Variants in RARS2 observed in about 807,000 individuals in gnomAD.
RARS2 encodes the protein probable arginine--tRNA ligase, mitochondrial.
RARS2 carries 67 observed loss-of-function variants against 88.5 expected under a neutral mutation model. That is an observed-to-expected ratio of 0.76 (90% CI 0.62 to 0.93). The LOEUF (loss-of-function observed/expected upper bound fraction) is 0.93, where lower values mean the gene tolerates loss of function less well. Ranked by LOEUF, RARS2 falls within the 40% of genes least tolerant of loss-of-function variation. RARS2 has a pLI of 0.00. For missense variants in RARS2, 664 were observed against 684.2 expected, an observed-to-expected ratio of 0.97 and a Z score of 0.33; for synonymous variants, 239 against 230.3, an observed-to-expected ratio of 1.04 and a Z score of -0.34.
At chr6:87,526,143 C>A (rs549350306) in intron 10 of RARS2, among the ~76,000 whole-genome samples, 4 of 152,106 alleles carry the variant, frequency 2.6e-5, no homozygotes, top group Non-Finnish European at 5.9e-5. Flanking sequence ...ACATTTTTCA[C>A]AGAAATAGAA....
At position 87,555,498 on chromosome 6, in the gene RARS2, A is replaced by T. The variant is rs777482341; in HGVS notation, c.305T>A (p.Leu102Gln). The T allele has an allele frequency of 6.2e-7, 1 of 1,611,076 alleles. No individual in the cohort carries two copies. The highest frequency in any genetic ancestry group is 8.5e-7 in the Non-Finnish European group (1 of 1,177,336). The change falls in exon 5 of 20, where the codon CTA becomes CAA. Residue 102 changes from leucine (L) to glutamine (Q), a missense_variant. Physicochemically the swap from Leu to Gln is moderately radical, Grantham distance 113 (BLOSUM62 -2). Coordinates refer to ENST00000369536, the MANE Select transcript of RARS2 (RefSeq NM_020320.5). ...TGAGCCATCTTCAATTACTTGTTGT[A>T]GCACTGTCTGAAAATTAAAGGACTG... ...INRELLTKTV[L>Q]QQVIEDGSKY... is the part of the protein sequence containing the mutation.
chr6:87,524,412 T>C (rs1048391295), intron 11 of RARS2, 145 bp downstream of exon 11: 48 of 721,226 alleles, frequency 6.7e-5, no homozygotes, highest in Admixed American at 3.7e-4. Flanking sequence ...TACTTTTAGT[T>C]GATTATGAAG....
At chr6:87,586,464 A>G (rs1775191035) in intron 1 of RARS2, among the ~76,000 whole-genome samples, 1 of 152,112 alleles carries the variant, frequency 6.6e-6, no homozygotes, top group Non-Finnish European at 1.5e-5. Context: ...CTTTCTACAA[A>G]ACTTTGTCTG....
At chr6:87,559,863 A>G (rs946832343) in intron 4 of RARS2, among the ~76,000 whole-genome samples, 1 of 152,194 alleles carries the variant, frequency 6.6e-6, no homozygotes, top group Non-Finnish European at 1.5e-5. Flanking sequence ...AAATACAGGT[A>G]TAGCATCTTT....
In RARS2 at chr6:87,545,998, C is replaced by T. The variant is rs13216727; in HGVS notation, c.452-299G>A. Among the ~76,000 whole-genome samples the T allele has an allele frequency of 0.033, 4,860 of 149,474 alleles. 107 individuals carry two copies. The highest frequency in any genetic ancestry group is 0.055 in the Middle Eastern group (16 of 292). The stretch of plus-strand genomic sequence containing the variant: ...GAGTAACTGCTATTCTAGTCAATTT[C>T]AAGAAGAGAAAAAAAAAAAATCCCA... On this transcript the variant is annotated intron_variant, in intron 6 of 19. Coordinates refer to ENST00000369536, the MANE Select transcript of RARS2 (RefSeq NM_020320.5).
At chr6:87,518,762 C>T in intron 15 of RARS2, 23 bp from the exon 16 acceptor site, 1 of 1,611,904 alleles carries the variant, frequency 6.2e-7, no homozygotes, top group Non-Finnish European at 8.5e-7. Flanking sequence ...AGGAAATCTT[C>T]ACTGCTGGGA....
At chr6:87,583,973 A>T (rs997778787) in intron 1 of RARS2, among the ~76,000 whole-genome samples, 2 of 152,180 alleles carry the variant, frequency 1.3e-5, no homozygotes, top group Non-Finnish European at 2.9e-5. Flanking sequence ...CTTAGTGTTG[A>T]GCGACAAATC....
chr6:87,532,414 T>A (rs1255901976), intron 8 of RARS2, among the ~76,000 whole-genome samples: 1 of 152,212 alleles, frequency 6.6e-6, no homozygotes, highest in Non-Finnish European at 1.5e-5. Flanking sequence ...AACTTCTGCT[T>A]TCCTTCTGGG....
At chr6:87,522,343 A>AC (rs1774181074) in intron 11 of RARS2, among the ~76,000 whole-genome samples, 1 of 151,188 alleles carries the variant, frequency 6.6e-6, no homozygotes, top group Non-Finnish European at 1.5e-5. Context: ...TAAAAAAAAA[A>AC]AAAAAAAAAA....
At chr6:87,585,706 C>T (rs759495426) in intron 1 of RARS2, among the ~76,000 whole-genome samples, 7 of 151,442 alleles carry the variant, frequency 4.6e-5, no homozygotes, top group South Asian at 2.1e-4. Context: ...CACTCTAGCC[C>T]GGACGACTGA....
intron 11 of RARS2, 106 bp from the exon 12 acceptor site, chr6:87,521,630 A>G (rs1013968017): frequency 2.4e-6 from 2 of 828,012 alleles, no homozygotes; most frequent in Non-Finnish European, 2.1e-6. Context: ...AATTTAAATT[A>G]TACCACAGCC....
intron 4 of RARS2, among the ~76,000 whole-genome samples, chr6:87,557,895 G>A (rs1786504786): frequency 6.6e-6 from 1 of 152,074 alleles, no homozygotes; most frequent in Admixed American, 6.6e-5. Context: ...CAAATACTTG[G>A]CCAGGCATGG....
intron 8 of RARS2, among the ~76,000 whole-genome samples, chr6:87,540,215 C>T (rs568422435): frequency 6.6e-5 from 10 of 151,330 alleles, no homozygotes; most frequent in African/African-American, 1.7e-4. Flanking sequence ...TTTGGGAGGC[C>T]GAGGTGGGCT....
In RARS2 at chr6:87,521,467, A is replaced by G; in HGVS notation, c.1032T>C (p.Tyr344=). Residue 344 remains tyrosine (Y), a synonymous_variant, in exon 12 of 20, where the codon TAT becomes TAC. Coordinates refer to ENST00000369536, the MANE Select transcript of RARS2 (RefSeq NM_020320.5). Reference sequence around the variant, plus strand: ...ACTTTTTGTTCTGATTACTTACCACATATATCATTGTATCAAAATTATACT... The same window carrying G: ...ACTTTTTGTTCTGATTACTTACCACGTATATCATTGTATCAAAATTATACT... ...MDKYNFDTMI[Y]VTDKGQKKHF... 1 of 1,600,252 alleles carries G rather than the reference A, an allele frequency of 6.2e-7. No homozygotes were observed. Among genetic ancestry groups the G allele is most frequent in the Non-Finnish European group, 8.6e-7 (1 of 1,167,822 alleles).
chr6:87,581,044 A>G (rs1439299052), intron 1 of RARS2, among the ~76,000 whole-genome samples: 1 of 152,134 alleles, frequency 6.6e-6, no homozygotes, highest in East Asian at 1.9e-4. Flanking sequence ...AGCAGTCCTC[A>G]ACCATTTATT....
chr6:87,524,684 C>T, intron 10 of RARS2, 32 bp from the exon 11 acceptor site: 7 of 1,461,906 alleles, frequency 4.8e-6, no homozygotes, highest in Non-Finnish European at 6.7e-6. Flanking sequence ...TCTGAAGCAA[C>T]ATAATAAATT....
rs759027696 is a variant in RARS2, at chr6:87,555,384, C to T, written c.395+24G>A. 3 of 1,573,978 alleles carry T rather than the reference C, an allele frequency of 1.9e-6. No individual in the cohort carries two copies. The Admixed American group carries it at 5.0e-5, about 26-fold the overall frequency. On this transcript the variant is annotated intron_variant, in intron 5 of 19. Transcript: ENST00000369536. Reference sequence around the variant, plus strand: ...CTGCCCAGTCAACTTGATTAAGCAACACATAAAAGGGGTGCACCCTCACCT... The same window carrying T: ...CTGCCCAGTCAACTTGATTAAGCAATACATAAAAGGGGTGCACCCTCACCT...
chr6:87,588,563 C>T (rs1245776399), intron 1 of RARS2, among the ~76,000 whole-genome samples: 2 of 151,884 alleles, frequency 1.3e-5, no homozygotes, highest in African/African-American at 2.4e-5. Context: ...TTTGTTGAGA[C>T]GGGGTCTACC....
At chr6:87,544,945 T>C (rs775939291) in intron 7 of RARS2, among the ~76,000 whole-genome samples, 19 of 152,226 alleles carry the variant, frequency 1.2e-4, no homozygotes, top group Non-Finnish European at 2.2e-4. Context: ...CCAGGGAGGC[T>C]GGATGTCCTT....
Sources: gnomAD v4.1 joint callset for allele counts (sites outside exome capture counted in the v4.1 genomes callset) on GRCh38, gnomAD v4.1.1 for gene constraint, MANE v1.5 for transcripts, NCBI Gene and HGNC (gene_info 2026-07-23, HGNC 2026-07-21) for gene names.